The following FMN2 variants were observed in gnomAD, a reference collection of about 807,000 sequenced individuals.
The protein encoded by FMN2 is formin-2.
A neutral mutation model predicts 142.3 loss-of-function variants in FMN2; 51 were observed. The observed-to-expected ratio is 0.36, with a 90% CI of 0.29 to 0.45. The LOEUF (loss-of-function observed/expected upper bound fraction) is 0.45, where lower values mean the gene tolerates loss of function less well. FMN2 is among the 20% of genes least tolerant of loss of function. The pLI, the probability that FMN2 is intolerant of heterozygous loss-of-function variation, is 1.00. For synonymous variants in FMN2, 882 were observed against 869.8 expected (o/e 1.01, Z -0.25); for missense variants, 1,936 against 2,122.8 (o/e 0.91, Z 1.73).
In FMN2 at chr1:240,212,510, T is replaced by C. The variant is rs544996983; in HGVS notation, c.4065+1275T>C. Among the ~76,000 whole-genome samples, 5 of 152,270 alleles carry C rather than the reference T, an allele frequency of 3.3e-5. No individual in the cohort carries two copies. In the South Asian group the frequency reaches 6.2e-4, roughly 19 times the overall value. On this transcript the variant is annotated intron_variant, in intron 6 of 17. Transcript: ENST00000319653. ...GCACATTGTAGGCACTCAATAAATATTTATTAAATTAATCAGCTGACTAAG... is the reference window on the plus strand; with the variant it reads ...GCACATTGTAGGCACTCAATAAATACTTATTAAATTAATCAGCTGACTAAG...
intron 14 of FMN2, among the ~76,000 whole-genome samples, chr1:240,356,852 C>A (rs1297263509): frequency 2.0e-5 from 3 of 152,136 alleles, no homozygotes; most frequent in East Asian, 1.9e-4. Context: ...TTAGGCACAG[C>A]TTTTTTAAGA....
chr1:240,216,344 A>G (rs556492541), intron 6 of FMN2, among the ~76,000 whole-genome samples: 1 of 152,380 alleles, frequency 6.6e-6, no homozygotes, highest in South Asian at 2.1e-4. Flanking sequence ...AAATTTGCAC[A>G]TAGAAGTCAG....
At position 240,176,142 on chromosome 1, in the gene FMN2, C is replaced by T. The variant is rs528455550; in HGVS notation, c.1783-1779C>T. Among the ~76,000 whole-genome samples, 4 of 152,194 alleles carry T rather than the reference C, an allele frequency of 2.6e-5. No individual in the cohort carries two copies. In the East Asian group the frequency reaches 7.7e-4, roughly 29 times the overall value. ...GAACTCATTGCCAAAAACAGTGTTA[C>T]CAAGTTTTTCCTGTATGTTTTCGTC... On this transcript the variant is annotated intron_variant, in intron 2 of 17. Coordinates refer to ENST00000319653, the MANE Select transcript of FMN2 (RefSeq NM_020066.5).
chr1:240,141,649 C>T (rs1034808146), intron 2 of FMN2, among the ~76,000 whole-genome samples: 2 of 152,138 alleles, frequency 1.3e-5, no homozygotes, highest in Admixed American at 6.5e-5. Flanking sequence ...GGATTACAGG[C>T]GTGAGCCACC....
chr1:240,180,566 C>CTTTCTTTTTTTTTTTTTTTTTTT (rs377033509), intron 3 of FMN2, among the ~76,000 whole-genome samples: 1 of 126,196 alleles, frequency 7.9e-6, no homozygotes. Context: ...CACATGACCC[C>CTTTCTTTTTTTTTTTTTTTTTTT]TTTTTTTTTT....
chr1:240,200,950 T>C (rs1390823205), intron 4 of FMN2, among the ~76,000 whole-genome samples: 1 of 152,188 alleles, frequency 6.6e-6, no homozygotes, highest in African/African-American at 2.4e-5. Context: ...TTGCTATATT[T>C]ATTAAAGATT....
Position 240,092,152 on chromosome 1 carries a change from G to A in FMN2, c.43G>A (p.Ala15Thr). Residue 15 changes from alanine to threonine, a missense_variant, in exon 1 of 18, where the codon GCT (alanine) becomes ACT (threonine). By Grantham distance (58) the Ala-to-Thr change is moderately conservative. Coordinates refer to ENST00000319653, the MANE Select transcript of FMN2 (RefSeq NM_020066.5). ...DGKLKRSAGD[A>T]LHEGGGGAED... ...GAAGCTGAAGAGGAGCGCAGGTGATGCTTTGCACGAAGGCGGCGGTGGCGC... is the reference window on the plus strand; with the variant it reads ...GAAGCTGAAGAGGAGCGCAGGTGATACTTTGCACGAAGGCGGCGGTGGCGC... 1 of 1,571,056 alleles carries A rather than the reference G, an allele frequency of 6.4e-7. No individual in the cohort carries two copies. Among genetic ancestry groups the A allele is most frequent in the Non-Finnish European group, 8.6e-7 (1 of 1,158,552 alleles).
At chr1:240,347,500 A>G (rs1671947731) in intron 13 of FMN2, among the ~76,000 whole-genome samples, 1 of 152,164 alleles carries the variant, frequency 6.6e-6, no homozygotes. Context: ...TGAGCTTTCT[A>G]TGAGCCTTGT....
At chr1:240,271,886 A>G (rs1253104897) in intron 7 of FMN2, among the ~76,000 whole-genome samples, 1 of 152,172 alleles carries the variant, frequency 6.6e-6, no homozygotes, top group African/African-American at 2.4e-5. Context: ...ATGAATTATA[A>G]TGTCTTTTAC....
intron 8 of FMN2, among the ~76,000 whole-genome samples, chr1:240,327,232 A>T (rs1190821101): frequency 6.6e-6 from 1 of 152,206 alleles, no homozygotes; most frequent in African/African-American, 2.4e-5. Flanking sequence ...GACGCATCAC[A>T]TTCCAAATGC....
chr1:240,236,661 GA>G (rs1343903671), intron 6 of FMN2, among the ~76,000 whole-genome samples: 1 of 152,144 alleles, frequency 6.6e-6, no homozygotes, highest in African/African-American at 2.4e-5. Flanking sequence ...GGAAGCAAGA[GA>G]AAGAGGAGGA....
chr1:240,381,090 A>C (rs1673210723), intron 14 of FMN2, among the ~76,000 whole-genome samples: 1 of 152,170 alleles, frequency 6.6e-6, no homozygotes, highest in African/African-American at 2.4e-5. Context: ...ATATACAAAG[A>C]GTTGGAACCA....
Position 240,206,980 on chromosome 1 carries a change from T to C in FMN2, c.2168T>C (p.Leu723Pro). 6.2e-7 allele frequency: 1 copy of C among 1,614,162 alleles called. No individual in the cohort carries two copies. The highest frequency in any genetic ancestry group is 8.5e-7 in the Non-Finnish European group (1 of 1,180,004). Residue 723 changes from leucine to proline, a missense_variant, in exon 5 of 18, where the codon CTC becomes CCC. Leu to Pro is a moderately conservative substitution (Grantham distance 98). Coordinates refer to ENST00000319653, the MANE Select transcript of FMN2 (RefSeq NM_020066.5). ...GTGACAGCCTCAGGCGATGTCTGTC[T>C]CGAAGCTCTCAGGTTAGAAGAAAAG... ...NGVTASGDVC[L>P]EALRLEEKEV...
rs766883382 is a variant in FMN2 at position 240,330,633 on chromosome 1, G to C, written c.4468G>C (p.Val1490Leu). Residue 1490 changes from valine (V) to leucine (L), a missense_variant, in exon 11 of 18, where the codon GTT becomes CTT. Transcript: ENST00000319653. ...AAAAAATGGCCCAGGGGTTATGCAG[G>C]TTCTAGGTTTGGTTCTTGCCTTTGG... is the stretch of plus-strand genomic sequence containing the variant. ...TLKNGPGVMQ[V>L]LGLVLAFGNY... 1 of 1,613,938 alleles carries C rather than the reference G, an allele frequency of 6.2e-7. No individual in the cohort carries two copies. Among genetic ancestry groups the C allele is most frequent in the East Asian group, 2.2e-5 (1 of 44,838 alleles).
chr1:240,411,471 T>G (rs570104736), intron 15 of FMN2, among the ~76,000 whole-genome samples: 2 of 151,758 alleles, frequency 1.3e-5, no homozygotes, highest in Admixed American at 6.6e-5. Flanking sequence ...CTCAGGAGGC[T>G]GAGGCAGGAG....
At chr1:240,189,251 A>G (rs1304455279) in intron 4 of FMN2, among the ~76,000 whole-genome samples, 1 of 152,134 alleles carries the variant, frequency 6.6e-6, no homozygotes, top group Non-Finnish European at 1.5e-5. Flanking sequence ...TGGATATAAA[A>G]CCATTGCTTA....
chr1:240,146,884 A>G (rs1344465785), intron 2 of FMN2, among the ~76,000 whole-genome samples: 2 of 152,118 alleles, frequency 1.3e-5, no homozygotes, highest in African/African-American at 4.8e-5. Context: ...TTTAAAGTGG[A>G]ATCTTGATAG....
rs747077853 is a variant in FMN2 at position 240,188,201 on chromosome 1, A to G, written c.1931-6A>G. 2 of 1,613,670 alleles carry G rather than the reference A, an allele frequency of 1.2e-6. No homozygotes were observed. Among genetic ancestry groups the G allele is most frequent in the South Asian group, 1.1e-5 (1 of 91,016 alleles). On this transcript the variant is annotated splice_polypyrimidine_tract_variant and splice_region_variant and intron_variant, in intron 3 of 17. Transcript: ENST00000319653. ...ATACTGACTGTCTGCTTCCTTTCCAATCTAGAATCTCAATCTGCTGTTTCA... is the reference window on the plus strand; with the variant it reads ...ATACTGACTGTCTGCTTCCTTTCCAGTCTAGAATCTCAATCTGCTGTTTCA...
At chr1:240,281,156 AGCAAGTAT>A (rs1364197045) in intron 7 of FMN2, among the ~76,000 whole-genome samples, 1 of 152,134 alleles carries the variant, frequency 6.6e-6, no homozygotes, top group Non-Finnish European at 1.5e-5. Context: ...ACCTTGTATA[AGCAAGTAT>A]GCTTGAGATG....
Sources: gnomAD v4.1 joint callset for allele counts (sites outside exome capture counted in the v4.1 genomes callset) on GRCh38, gnomAD v4.1.1 for gene constraint, MANE v1.5 for transcripts, NCBI Gene and HGNC (gene_info 2026-07-23, HGNC 2026-07-21) for gene names.